The following NAALADL2 variants were observed in gnomAD, a reference collection of about 807,000 sequenced individuals.
NAALADL2 encodes the protein N-acetylated alpha-linked acidic dipeptidase like 2.
Under a neutral mutation model 87.2 loss-of-function variants are expected in NAALADL2, and 76 were observed. That is an observed-to-expected ratio of 0.87 (90% CI 0.72 to 1.05). The LOEUF (loss-of-function observed/expected upper bound fraction) is 1.05. Ranked by LOEUF, NAALADL2 falls within the 50% of genes least tolerant of loss-of-function variation. The pLI is 0.00. For missense variants in NAALADL2, 1,089 were observed against 945.8 expected (o/e 1.15, Z -1.99); for synonymous variants, 354 against 331.0 (o/e 1.07, Z -0.75).
chr3:174,482,309 G>A (rs901341110), intron 1 of NAALADL2, among the ~76,000 whole-genome samples: 5 of 151,998 alleles, frequency 3.3e-5, no homozygotes, highest in African/African-American at 1.2e-4. Flanking sequence ...CAGCAAGTGA[G>A]TTCCTGACAT....
chr3:175,210,331 T>A (rs2109257074), intron 2 of NAALADL2, among the ~76,000 whole-genome samples: 1 of 151,840 alleles, frequency 6.6e-6, no homozygotes, highest in Non-Finnish European at 1.5e-5. Flanking sequence ...AAAGAAACAT[T>A]CCATGTGATG....
chr3:175,086,106 G>T (rs1718847198), intron 1 of NAALADL2, among the ~76,000 whole-genome samples: 1 of 152,170 alleles, frequency 6.6e-6, no homozygotes, highest in Non-Finnish European at 1.5e-5. Flanking sequence ...GATAAGTCAA[G>T]CTTTACTATC....
chr3:174,677,660 T>C (rs1342842007), intron 2 of NAALADL2, among the ~76,000 whole-genome samples: 2 of 152,130 alleles, frequency 1.3e-5, no homozygotes, highest in African/African-American at 4.8e-5. Context: ...CCTTGTTTTA[T>C]GTGTGTTTCT....
chr3:174,731,302 G>T (rs1732683493), intron 2 of NAALADL2, among the ~76,000 whole-genome samples: 1 of 152,042 alleles, frequency 6.6e-6, no homozygotes, highest in South Asian at 2.1e-4. Context: ...ATATTGCTTT[G>T]ATATTTCAAT....
At chr3:175,117,561 A>G (rs1725456327) in intron 2 of NAALADL2, among the ~76,000 whole-genome samples, 1 of 151,478 alleles carries the variant, frequency 6.6e-6, no homozygotes, top group South Asian at 2.1e-4. Context: ...CAAAACCACA[A>G]TGAGGTACCA....
In NAALADL2 at chr3:174,441,676, G is replaced by T. The variant is rs28491718; in HGVS notation, c.-184+644G>T. Reference sequence around the variant, plus strand: ...GGCTTACTACCACATTTGCCCTACAGTTGCATTGCTTCATAGCTCGTCCTC... The same window carrying T: ...GGCTTACTACCACATTTGCCCTACATTTGCATTGCTTCATAGCTCGTCCTC... On this transcript the variant is annotated intron_variant, in intron 1 of 3. Transcript: ENST00000434257. Among the ~76,000 whole-genome samples, 482 of 151,180 alleles carry T rather than the reference G, an allele frequency of 3.2e-3. 5 individuals are homozygous for T. The highest frequency in any genetic ancestry group is 0.011 in the African/African-American group (469 of 41,118).
chr3:174,841,038 T>TAA (rs3830593), intron 3 of NAALADL2, among the ~76,000 whole-genome samples: 4 of 146,822 alleles, frequency 2.7e-5, no homozygotes, highest in Admixed American at 6.8e-5. Flanking sequence ...TTGACTTTAT[T>TAA]AAAAAAAAAG....
chr3:175,180,733 A>G (rs968577239), intron 2 of NAALADL2, among the ~76,000 whole-genome samples: 1 of 150,940 alleles, frequency 6.6e-6, no homozygotes, highest in Admixed American at 6.6e-5. Flanking sequence ...TATAATGTAT[A>G]ATATAATAAT....
At chr3:174,534,561 C>T (rs191913479) in intron 1 of NAALADL2, among the ~76,000 whole-genome samples, 9 of 152,316 alleles carry the variant, frequency 5.9e-5, no homozygotes, top group Admixed American at 2.0e-4. Context: ...CTAGCCATCA[C>T]ATCTGTATAC....
chr3:175,742,864 A>C (rs1365566127), intron 12 of NAALADL2, among the ~76,000 whole-genome samples: 1 of 152,166 alleles, frequency 6.6e-6, no homozygotes, highest in Non-Finnish European at 1.5e-5. Context: ...ATTCAGTAAG[A>C]TCTCTGTTCA....
chr3:175,285,989 T>A (rs773257639), intron 4 of NAALADL2, among the ~76,000 whole-genome samples: 2 of 152,198 alleles, frequency 1.3e-5, no homozygotes, highest in Non-Finnish European at 2.9e-5. Context: ...ATTTTACATT[T>A]TTCAAAATAC....
At chr3:174,847,129 A>G (rs1211495910) in intron 3 of NAALADL2, among the ~76,000 whole-genome samples, 1 of 152,160 alleles carries the variant, frequency 6.6e-6, no homozygotes, top group African/African-American at 2.4e-5. Context: ...AAAATACAAT[A>G]TGTTGGGCCA....
chr3:175,798,750 G>A (rs2108334894), intron 13 of NAALADL2, among the ~76,000 whole-genome samples: 1 of 151,994 alleles, frequency 6.6e-6, no homozygotes, highest in South Asian at 2.1e-4. Context: ...GATATTTTAT[G>A]GTAGTTATTG....
At chr3:175,044,665 T>C (rs1389827448) in intron 1 of NAALADL2, among the ~76,000 whole-genome samples, 1 of 152,130 alleles carries the variant, frequency 6.6e-6, no homozygotes, top group African/African-American at 2.4e-5. Context: ...GAACAAACTG[T>C]AATACTACAT....
chr3:175,725,182 A>C (rs1742761739), intron 11 of NAALADL2, among the ~76,000 whole-genome samples: 1 of 152,030 alleles, frequency 6.6e-6, no homozygotes, highest in African/African-American at 2.4e-5. Flanking sequence ...GTCTTGGTGC[A>C]TTATGTATGC....
At chr3:175,070,592 A>G (rs1715450673) in intron 1 of NAALADL2, among the ~76,000 whole-genome samples, 1 of 152,102 alleles carries the variant, frequency 6.6e-6, no homozygotes, top group Admixed American at 6.6e-5. Context: ...AGGTGTTTGA[A>G]TGAGTCACTA....
chr3:175,796,351 A>T (rs73881380), intron 13 of NAALADL2, among the ~76,000 whole-genome samples: 5,572 of 152,204 alleles, frequency 0.037, 248 homozygotes, highest in African/African-American at 0.11. Context: ...ACACAGAGGA[A>T]AATAATTGCA....
intron 3 of NAALADL2, among the ~76,000 whole-genome samples, chr3:174,778,346 G>A (rs1350629566): frequency 6.6e-6 from 1 of 151,992 alleles, no homozygotes; most frequent in East Asian, 1.9e-4. Context: ...TAATTATGAA[G>A]GGTTTACATG....
chr3:175,364,616 A>G (rs1207330886), intron 5 of NAALADL2, among the ~76,000 whole-genome samples: 1 of 147,746 alleles, frequency 6.8e-6, no homozygotes, highest in African/African-American at 2.5e-5. Context: ...CTGAGACCCA[A>G]GCTTGATGTT....
Sources: allele counts gnomAD v4.1 joint callset (sites outside exome capture counted in the v4.1 genomes callset), GRCh38; gene constraint gnomAD v4.1.1; transcripts MANE v1.5; gene names NCBI Gene and HGNC (gene_info 2026-07-23, HGNC 2026-07-21).